CHST10: variants seen among roughly 807,000 people sequenced by gnomAD.
CHST10 encodes the protein carbohydrate sulfotransferase 10.
A neutral mutation model predicts 34.7 loss-of-function variants in CHST10; 24 were observed. The observed-to-expected ratio is 0.69, with a 90% CI of 0.50 to 0.97. CHST10 has a LOEUF of 0.97. Among genes scored for constraint, CHST10 ranks in the 50% least tolerant of loss-of-function variants. CHST10 has a pLI of 0.00. For synonymous variants in CHST10, 161 were observed against 169.3 expected, an observed-to-expected ratio of 0.95 and a Z score of 0.38; for missense variants, 402 against 452.1, an observed-to-expected ratio of 0.89 and a Z score of 1.00.
chr2:100,415,184 T>C, intron 1 of CHST10, 73 bp from the exon 2 acceptor site: 1 of 928,312 alleles, frequency 1.1e-6, no homozygotes, highest in South Asian at 1.5e-5. Context: ...ACAACTTGGT[T>C]TATACTTAGG....
At chr2:100,394,869 G>A (rs1674978399) in intron 6 of CHST10, among the ~76,000 whole-genome samples, 1 of 150,924 alleles carries the variant, frequency 6.6e-6, no homozygotes, top group Admixed American at 6.7e-5. Flanking sequence ...GACTACACGT[G>A]TGTGCCACCA....
chr2:100,393,688 C>G lies in CHST10; in HGVS notation c.628G>C (p.Glu210Gln). The G allele has an allele frequency of 6.2e-7, 1 of 1,614,106 alleles. No individual in the cohort carries two copies. Among genetic ancestry groups the G allele is most frequent in the Non-Finnish European group, 8.5e-7 (1 of 1,180,028 alleles). The change falls in exon 7 of 7, where the codon GAG becomes CAG. Residue 210 changes from glutamate (E) to glutamine (Q), a missense_variant. By Grantham distance (29) the Glu-to-Gln change is conservative. Coordinates refer to ENST00000264249, the MANE Select transcript of CHST10 (RefSeq NM_004854.5). ...KDKFVHNPRF[E>Q]PWYRHEIAPG... ...GCAATCTCATGCCTGTACCAAGGCT[C>G]AAACCGGGGATTGTGAACAAATTTA...
At position 100,397,815 on chromosome 2, in the gene CHST10, C is replaced by T. The variant is rs1261170598; in HGVS notation, c.427+93G>A. On this transcript the variant is annotated intron_variant, in intron 5 of 6. Coordinates refer to ENST00000264249, the MANE Select transcript of CHST10 (RefSeq NM_004854.5). Reference sequence around the variant, plus strand: ...ACCAGTCCCTTCAGGTCAAACCAGCCCTCTTGTGACTCCTCCTTGCTGTCC... The same window carrying T: ...ACCAGTCCCTTCAGGTCAAACCAGCTCTCTTGTGACTCCTCCTTGCTGTCC... 3.0e-6 allele frequency: 3 copies of T among 1,000,636 alleles called. No homozygotes were observed. In the Admixed American group the frequency reaches 7.2e-5, roughly 24 times the overall value. 62.0% of individuals were successfully genotyped at this position (1,000,636 alleles called of 1,614,324 possible).
At position 100,393,340 on chromosome 2, in the gene CHST10, C is replaced by T; in HGVS notation, c.976G>A (p.Gly326Ser). 1 of 1,614,166 alleles carries T rather than the reference C, an allele frequency of 6.2e-7. No individual in the cohort carries two copies. Among genetic ancestry groups the T allele is most frequent in the Non-Finnish European group, 8.5e-7 (1 of 1,180,036 alleles). ...CGTCGGATGTCTCGTTTGCTGATGC[C>T]CAGGAAATAGTGCTCCACCTTGGTT... The part of the protein sequence containing the change: ...NRTKVEHYFL[G>S]ISKRDIRRLY... The change falls in exon 7 of 7, where the codon GGC becomes AGC. Residue 326 changes from glycine (G) to serine (S), a missense_variant. By Grantham distance (56) the Gly-to-Ser change is moderately conservative. Transcript: ENST00000264249.
rs113032619 is a variant in CHST10 at position 100,397,673 on chromosome 2, G to T, written c.427+235C>A. On this transcript the variant is annotated intron_variant, in intron 5 of 6. Coordinates refer to ENST00000264249, the MANE Select transcript of CHST10 (RefSeq NM_004854.5). The stretch of plus-strand genomic sequence containing the variant: ...AGTGAGGATCTGCTGTGACAGGTGA[G>T]GAGAGCTGGACTGTGGCTGTGCCCC... Among the ~76,000 whole-genome samples the T allele has an allele frequency of 2.0e-5, 3 of 152,228 alleles. No individual in the cohort carries two copies. The East Asian group carries it at 5.8e-4, about 29-fold the overall frequency.
chr2:100,409,609 G>A (rs1344395587), intron 2 of CHST10, among the ~76,000 whole-genome samples: 2 of 152,022 alleles, frequency 1.3e-5, no homozygotes, highest in East Asian at 1.9e-4. Context: ...TCTTTCACCC[G>A]GGCAGGAGGT....
intron 2 of CHST10, chr2:100,408,389 C>T (rs906118307): frequency 2.0e-5 from 3 of 152,092 alleles, no homozygotes; most frequent in Non-Finnish European, 4.4e-5. Flanking sequence ...GGTTCAAATC[C>T]CTGCTCACAC....
intron 4 of CHST10, among the ~76,000 whole-genome samples, chr2:100,401,786 T>G (rs1239308100): frequency 6.6e-6 from 1 of 152,202 alleles, no homozygotes; most frequent in Admixed American, 6.5e-5. Context: ...CTATGTTTAT[T>G]GAGTTCTAAT....
At chr2:100,395,415 T>A (rs2241810) in intron 6 of CHST10, 94 bp downstream of exon 6, 1 of 1,087,822 alleles carries the variant, frequency 9.2e-7, no homozygotes, top group Non-Finnish European at 1.4e-6. Flanking sequence ...CTCCGATCAA[T>A]CTGCCAAGTA....
At position 100,393,676 on chromosome 2, in the gene CHST10, TG is replaced by T; in HGVS notation, c.639del (p.Tyr213Ter). 6.2e-7 allele frequency: 1 copy of T among 1,614,182 alleles called. No individual in the cohort carries two copies. On this transcript the variant is annotated frameshift_variant, in exon 7 of 7. Transcript: ENST00000264249. LOFTEE classifies it high-confidence loss of function. Reference sequence around the variant, plus strand: ...ATGATGCCAGGAGCAATCTCATGCCTGTACCAAGGCTCAAACCGGGGATTGT... The same window carrying T: ...ATGATGCCAGGAGCAATCTCATGCCTTACCAAGGCTCAAACCGGGGATTGT... ...FVHNPRFEPW[Y>X]RHEIAPGIIR...
chr2:100,406,428 A>T, intron 3 of CHST10, 148 bp downstream of exon 3: 1 of 912,832 alleles, frequency 1.1e-6, no homozygotes, highest in Non-Finnish European at 1.7e-6. Context: ...CTGTAACATG[A>T]AGGAACGGAG....
At chr2:100,397,826 T>G in intron 5 of CHST10, 82 bp downstream of exon 5, 1 of 1,129,946 alleles carries the variant, frequency 8.8e-7, no homozygotes. Flanking sequence ...CTCTTGTGAC[T>G]CCTCCTTGCT....
chr2:100,408,873 G>A (rs371865749), intron 2 of CHST10, among the ~76,000 whole-genome samples: 4 of 151,660 alleles, frequency 2.6e-5, no homozygotes, highest in African/African-American at 7.3e-5. Context: ...CCAGCTGCAG[G>A]CCATTTCTAA....
rs568055253 is a variant in CHST10 at position 100,397,832 on chromosome 2, T to C, written c.427+76A>G. 1.2e-5 allele frequency: 15 copies of C among 1,218,826 alleles called. No homozygotes were observed. The African/African-American group carries it at 2.0e-4, about 16-fold the overall frequency. 75.5% of individuals were successfully genotyped at this position (1,218,826 alleles called of 1,614,324 possible). A position where few individuals can be genotyped will look rare whatever the true frequency, so the allele number is the denominator to read the frequency against. ...AAACCAGCCCTCTTGTGACTCCTCC[T>C]TGCTGTCCTCCCCAGCCTCCTCAGC... On this transcript the variant is annotated intron_variant, in intron 5 of 6. Coordinates refer to ENST00000264249, the MANE Select transcript of CHST10 (RefSeq NM_004854.5).
chr2:100,395,487 C>G, intron 6 of CHST10, 22 bp downstream of exon 6: 1 of 1,599,858 alleles, frequency 6.3e-7, no homozygotes, highest in East Asian at 2.2e-5. Context: ...TCCCCCCTCC[C>G]CTTTGAGGAA....
At position 100,393,138 on chromosome 2, in the gene CHST10, G is replaced by A. The variant is rs1530030; in HGVS notation, c.*107C>T. 0.47 allele frequency: 567,406 copies of A among 1,217,032 alleles called. 139,094 individuals carry two copies. Among genetic ancestry groups the A allele is most frequent in the East Asian group, 0.72 (30,416 of 42,328 alleles). The allele number at this position is 1,217,032 out of a possible 1,614,324, so 75.4% of individuals were successfully genotyped here. A position where few individuals can be genotyped will look rare whatever the true frequency, so the allele number is the denominator to read the frequency against. ...CACAGGCCTGTGGGAGACCCCGGGC[G>A]TCCTCAAAGGAGGGGTGTGGTGGAG... On this transcript the variant is annotated 3_prime_UTR_variant, in exon 7 of 7. Coordinates refer to ENST00000264249, the MANE Select transcript of CHST10 (RefSeq NM_004854.5).
chr2:100,398,154 A>G lies in CHST10; in HGVS notation c.193-12T>C. The G allele has an allele frequency of 6.2e-7, 1 of 1,602,350 alleles. No homozygotes were observed. Among genetic ancestry groups the G allele is most frequent in the Non-Finnish European group, 8.5e-7 (1 of 1,173,412 alleles). The stretch of plus-strand genomic sequence containing the variant: ...TCCTTCCCAGTTGGCTGCAGGTGAC[A>G]CAGAGCAGAAGAGGCCCAGGGACCA... On this transcript the variant is annotated splice_polypyrimidine_tract_variant and intron_variant, in intron 4 of 6. Transcript: ENST00000264249.
chr2:100,401,886 T>C (rs1349270497), intron 4 of CHST10, among the ~76,000 whole-genome samples: 1 of 152,240 alleles, frequency 6.6e-6, no homozygotes, highest in African/African-American at 2.4e-5. Context: ...GGGCTCGCTG[T>C]ACCCATTTCA....
chr2:100,405,612 C>T (rs543744767), intron 3 of CHST10, among the ~76,000 whole-genome samples: 247 of 152,346 alleles, frequency 1.6e-3, no homozygotes, highest in Middle Eastern at 6.8e-3. Context: ...CCAGGAAGAA[C>T]TGCTGGCACA....
Sources: allele counts gnomAD v4.1 joint callset (sites outside exome capture counted in the v4.1 genomes callset), GRCh38; gene constraint gnomAD v4.1.1; transcripts MANE v1.5; gene names NCBI Gene and HGNC (gene_info 2026-07-23, HGNC 2026-07-21).